The following TUBGCP5 variants were observed in gnomAD, a reference collection of about 807,000 sequenced individuals.
TUBGCP5 encodes tubulin gamma complex component 5.
A neutral mutation model predicts 134.7 loss-of-function variants in TUBGCP5; 98 were observed. The observed-to-expected ratio is 0.73, with a 90% CI of 0.62 to 0.86. The LOEUF (loss-of-function observed/expected upper bound fraction) is 0.86, where lower values mean the gene tolerates loss of function less well. TUBGCP5 is among the 40% of genes least tolerant of loss of function. The probability of loss-of-function intolerance (pLI) is 0.00; values close to 1 mark genes in which losing one functional copy is unlikely to be tolerated. For missense variants in TUBGCP5, 1,150 were observed against 1,244.8 expected, an observed-to-expected ratio of 0.92 and a Z score of 1.15; for synonymous variants, 456 against 431.4, an observed-to-expected ratio of 1.06 and a Z score of -0.71.
chr15:23,038,300 A>G (rs1057282207), intron 1 of TUBGCP5, among the ~76,000 whole-genome samples: 2 of 152,182 alleles, frequency 1.3e-5, no homozygotes, highest in East Asian at 3.8e-4. Context: ...TTTACCTATT[A>G]TAATTTAGTT....
chr15:22,988,519 G>T (rs1247271743), intron 23 of TUBGCP5, among the ~76,000 whole-genome samples: 1 of 151,552 alleles, frequency 6.6e-6, no homozygotes, highest in Non-Finnish European at 1.5e-5. Context: ...GTATCACGAG[G>T]TCAGGAGATC....
intron 11 of TUBGCP5, among the ~76,000 whole-genome samples, chr15:23,020,014 C>T (rs1214931402): frequency 6.6e-6 from 1 of 151,630 alleles, no homozygotes; most frequent in African/African-American, 2.4e-5. Flanking sequence ...CATGGTGGCT[C>T]ACGCCTGTAA....
At chr15:22,999,951 C>T (rs2064274837) in intron 22 of TUBGCP5, 85 bp from the exon 23 acceptor site, 1 of 1,274,216 alleles carries the variant, frequency 7.8e-7, no homozygotes, top group Non-Finnish European at 1.1e-6. Flanking sequence ...CCCACTGTCA[C>T]CCAGGCTGGA....
At chr15:23,030,599 A>C (rs1488570826) in intron 6 of TUBGCP5, among the ~76,000 whole-genome samples, 1 of 143,776 alleles carries the variant, frequency 7.0e-6, no homozygotes, top group Admixed American at 6.9e-5. Flanking sequence ...TCCTTCTCCA[A>C]TTAAAAAAAA....
chr15:23,028,379 TA>T (rs762310901), intron 6 of TUBGCP5, among the ~76,000 whole-genome samples: 30,705 of 90,996 alleles, frequency 0.34, 4,189 homozygotes, highest in African/African-American at 0.47. Context: ...GGCCCGGTCT[TA>T]AAAAAAAAAA....
rs147030528 is a variant in TUBGCP5 at position 23,017,568 on chromosome 15, A to G, written c.1756+205T>C. Among the ~76,000 whole-genome samples, 812 of 152,316 alleles carry G rather than the reference A, an allele frequency of 5.3e-3. 4 individuals carry two copies. Among genetic ancestry groups the G allele is most frequent in the Non-Finnish European group, 7.4e-3 (504 of 68,030 alleles). On this transcript the variant is annotated intron_variant, in intron 13 of 22. Transcript: ENST00000615383. ...ACTTATCGTCACTGCCTTTTCAAAC[A>G]CAGCACTAAAAGTTTTCAATGAAGA...
At chr15:22,988,852 C>G (rs200568066) in intron 23 of TUBGCP5, among the ~76,000 whole-genome samples, 4 of 152,090 alleles carry the variant, frequency 2.6e-5, no homozygotes, top group African/African-American at 9.6e-5. Flanking sequence ...CTGCAACCTC[C>G]GATTCCCTGG....
chr15:23,014,673 C>T (rs28718648), intron 13 of TUBGCP5, among the ~76,000 whole-genome samples: 3,887 of 152,284 alleles, frequency 0.026, 172 homozygotes, highest in African/African-American at 0.084. Context: ...TTGAACTGTG[C>T]AGGCAGACAT....
chr15:23,022,710 A>T (rs550601324), intron 10 of TUBGCP5, among the ~76,000 whole-genome samples: 3 of 152,350 alleles, frequency 2.0e-5, no homozygotes, highest in African/African-American at 7.2e-5. Context: ...TCAGGTCTGC[A>T]GTTTGGCTAA....
chr15:23,016,743 T>C (rs1005812569), intron 13 of TUBGCP5, among the ~76,000 whole-genome samples: 4 of 151,696 alleles, frequency 2.6e-5, no homozygotes, highest in African/African-American at 4.8e-5. Context: ...GAACATAAAC[T>C]AGTACAGACA....
intron 13 of TUBGCP5, among the ~76,000 whole-genome samples, chr15:23,012,606 C>T (rs1029383373): frequency 2.0e-5 from 3 of 152,122 alleles, no homozygotes; most frequent in Non-Finnish European, 4.4e-5. Flanking sequence ...TGGGGTTTTA[C>T]CACGTTGACC....
chr15:23,007,449 T>G, intron 16 of TUBGCP5, among the ~76,000 whole-genome samples: 1 of 152,306 alleles, frequency 6.6e-6, no homozygotes, highest in East Asian at 1.9e-4. Flanking sequence ...CAGTGCTTAG[T>G]AGGCATCTAC....
At chr15:23,016,995 TCTTGA>T (rs2065374947) in intron 13 of TUBGCP5, among the ~76,000 whole-genome samples, 9 of 148,192 alleles carry the variant, frequency 6.1e-5, no homozygotes, top group South Asian at 2.1e-4. Context: ...TATGTATATA[TCTTGA>T]AGATAAAAGA....
chr15:23,023,783 T>C (rs925367959), intron 10 of TUBGCP5, 164 bp downstream of exon 10: 5 of 638,256 alleles, frequency 7.8e-6, no homozygotes, highest in Non-Finnish European at 1.2e-5. Context: ...TTTTTAGAGA[T>C]ATGAATGGCT....
chr15:23,008,816 T>C lies in TUBGCP5; in HGVS notation c.2210A>G (p.Asp737Gly). ...FLMEGGDTMY[D>G]FYTSIFDKIR... is the part of the protein sequence containing the mutation. Reference sequence around the variant, plus strand: ...TTTATCAAAAATTGACGTGTAGAAGTCATACATGGTATCTCCTCCTTCCAT... The same window carrying C: ...TTTATCAAAAATTGACGTGTAGAAGCCATACATGGTATCTCCTCCTTCCAT... The change falls in exon 16 of 23, where the codon GAC becomes GGC. Residue 737 changes from aspartate (D) to glycine (G), a missense_variant. By Grantham distance (94) the Asp-to-Gly change is moderately conservative. Coordinates refer to ENST00000615383, the MANE Select transcript of TUBGCP5 (RefSeq NM_052903.6). 4 of 1,600,252 alleles carry C rather than the reference T, an allele frequency of 2.5e-6. No individual in the cohort carries two copies. The highest frequency in any genetic ancestry group is 3.4e-6 in the Non-Finnish European group (4 of 1,176,754).
chr15:22,987,895 CAAAAAAAAAAAAAAAAAAA>C (rs869168765), intron 23 of TUBGCP5, among the ~76,000 whole-genome samples: 2 of 20,468 alleles, frequency 9.8e-5, no homozygotes, highest in East Asian at 4.6e-3. Context: ...GACTCCATCT[CAAAAAAAAAAAAAAAAAAA>C]AAAAAAAAAG....
At chr15:23,033,792 C>T (rs11855233) in intron 3 of TUBGCP5, among the ~76,000 whole-genome samples, 3,931 of 152,180 alleles carry the variant, frequency 0.026, 163 homozygotes, top group African/African-American at 0.091. Context: ...CTTTAATTTG[C>T]ATTTATCTTA....
chr15:23,018,228 G>A (rs949662823), intron 12 of TUBGCP5, among the ~76,000 whole-genome samples, 187 bp from the exon 13 acceptor site: 2 of 152,130 alleles, frequency 1.3e-5, no homozygotes, highest in Non-Finnish European at 2.9e-5. Flanking sequence ...TAAATACTTT[G>A]AATAGTGTAA....
In TUBGCP5 at chr15:23,022,205, A is replaced by G. The variant is rs756802676; in HGVS notation, c.1169-44T>C. ...CAAACTCAACAGCAAGGAAAAATAC[A>G]TGCATCTAAAATGTGACATAAATGC... On this transcript the variant is annotated intron_variant, in intron 10 of 22. Coordinates refer to ENST00000615383, the MANE Select transcript of TUBGCP5 (RefSeq NM_052903.6). The G allele has an allele frequency of 2.5e-6, 4 of 1,588,414 alleles. No individual in the cohort carries two copies. In the Admixed American group the frequency reaches 6.7e-5, roughly 26 times the overall value.
Sources: gnomAD v4.1 joint callset for allele counts (sites outside exome capture counted in the v4.1 genomes callset) on GRCh38, gnomAD v4.1.1 for gene constraint, MANE v1.5 for transcripts, NCBI Gene and HGNC (gene_info 2026-07-23, HGNC 2026-07-21) for gene names.